Variants in AFF3 observed in about 807,000 individuals in gnomAD.
The protein encoded by AFF3 is ALF transcription elongation factor 3, also known as AF4/FMR2 family member 3.
AFF3 carries 32 observed loss-of-function variants against 129.7 expected under a neutral mutation model. That is an observed-to-expected ratio of 0.25 (90% CI 0.19 to 0.33). The LOEUF (loss-of-function observed/expected upper bound fraction) is 0.33, where lower values mean the gene tolerates loss of function less well. Among genes scored for constraint, AFF3 ranks in the 10% least tolerant of loss-of-function variants. AFF3 has a pLI of 1.00. For synonymous variants in AFF3, 644 were observed against 635.4 expected (o/e 1.01, Z -0.20); for missense variants, 1,373 against 1,592.0 (o/e 0.86, Z 2.34).
intron 24 of AFF3, among the ~76,000 whole-genome samples, chr2:99,553,051 C>T (rs1388323203): frequency 6.6e-6 from 1 of 152,196 alleles, no homozygotes; most frequent in Non-Finnish European, 1.5e-5. Context: ...ATTCTCCTGC[C>T]TCAGCCCCCT....
chr2:100,083,856 G>A (rs1689217486), intron 4 of AFF3, among the ~76,000 whole-genome samples: 2 of 152,020 alleles, frequency 1.3e-5, no homozygotes, highest in African/African-American at 4.8e-5. Flanking sequence ...AAGGGAGTAC[G>A]GAGTGAGCCA....
intron 19 of AFF3, among the ~76,000 whole-genome samples, chr2:99,567,966 C>T (rs549764332): frequency 3.9e-5 from 6 of 152,292 alleles, no homozygotes; most frequent in African/African-American, 1.4e-4. Flanking sequence ...CTGTACCTTC[C>T]GCTGCCCTCC....
intron 8 of AFF3, among the ~76,000 whole-genome samples, chr2:99,828,136 A>C (rs1688234547): frequency 6.6e-6 from 1 of 152,156 alleles, no homozygotes; most frequent in Admixed American, 6.5e-5. Flanking sequence ...GACATGCGGT[A>C]TCTCTGTGGT....
chr2:100,052,820 A>C (rs1201906846), intron 4 of AFF3, among the ~76,000 whole-genome samples: 1 of 152,198 alleles, frequency 6.6e-6, no homozygotes, highest in Non-Finnish European at 1.5e-5. Context: ...AGGGCGCTGC[A>C]CCTGCTCACA....
intron 4 of AFF3, among the ~76,000 whole-genome samples, chr2:100,016,138 ATGGTGGTGGTGGTAGAGGTGC>A (rs998144724): frequency 6.1e-5 from 8 of 130,192 alleles, no homozygotes; most frequent in Non-Finnish European, 1.0e-4. Context: ...GGTGGTGGTG[ATGGTGGTGGTGGTAGAGGTGC>A]TGGTGGTGGT....
intron 2 of AFF3, chr2:100,106,999 A>G: frequency 3.0e-6 from 3 of 985,446 alleles, no homozygotes; most frequent in Non-Finnish European, 3.6e-6. Context: ...CCTTGTGTTA[A>G]TATATGAGAG....
intron 7 of AFF3, among the ~76,000 whole-genome samples, chr2:99,992,683 C>T (rs915155331): frequency 3.3e-5 from 5 of 152,202 alleles, no homozygotes; most frequent in African/African-American, 1.2e-4. Context: ...CAACTAACTA[C>T]TAAACACCTA....
At chr2:100,086,134 T>C (rs1437704602) in intron 4 of AFF3, among the ~76,000 whole-genome samples, 1 of 151,388 alleles carries the variant, frequency 6.6e-6, no homozygotes, top group Non-Finnish European at 1.5e-5. Context: ...AGTTCTGACT[T>C]TCTGTTTATA....
At chr2:99,763,363 T>C (rs1682771136) in intron 8 of AFF3, among the ~76,000 whole-genome samples, 1 of 152,114 alleles carries the variant, frequency 6.6e-6, no homozygotes, top group Admixed American at 6.6e-5. Context: ...GTTTGAAAAA[T>C]AATAAATATA....
At chr2:99,736,019 A>T (rs1197817557) in intron 10 of AFF3, among the ~76,000 whole-genome samples, 2 of 152,224 alleles carry the variant, frequency 1.3e-5, no homozygotes, top group African/African-American at 4.8e-5. Flanking sequence ...TATAATATTT[A>T]TCTTTTAAAA....
At chr2:99,568,176 A>G (rs1676152480) in intron 19 of AFF3, among the ~76,000 whole-genome samples, 1 of 152,198 alleles carries the variant, frequency 6.6e-6, no homozygotes, top group Non-Finnish European at 1.5e-5. Context: ...CTCAGTTATG[A>G]ACACTGGAGG....
chr2:100,007,098 CTG>C, intron 6 of AFF3, 48 bp downstream of exon 6: 2 of 1,597,402 alleles, frequency 1.3e-6, no homozygotes, highest in Non-Finnish European at 1.7e-6. Context: ...TTATAGTTCT[CTG>C]GGTTTTAGCA....
chr2:99,974,126 T>G (rs771101624), intron 7 of AFF3, among the ~76,000 whole-genome samples: 44 of 152,274 alleles, frequency 2.9e-4, no homozygotes, highest in Non-Finnish European at 5.4e-4. Flanking sequence ...TGCATTGTCA[T>G]GTAAAATGTA....
At chr2:99,824,553 T>C (rs1687931004) in intron 8 of AFF3, among the ~76,000 whole-genome samples, 1 of 152,220 alleles carries the variant, frequency 6.6e-6, no homozygotes, top group Non-Finnish European at 1.5e-5. Context: ...GGATATAACT[T>C]TTATAACTTT....
chr2:100,067,088 C>A (rs17023459), intron 4 of AFF3, among the ~76,000 whole-genome samples: 1 of 151,282 alleles, frequency 6.6e-6, no homozygotes, highest in Non-Finnish European at 1.5e-5. Context: ...AACTGCAATT[C>A]GTGGACTTGT....
chr2:99,561,203 A>G (rs1021703805), intron 20 of AFF3, among the ~76,000 whole-genome samples: 1 of 152,264 alleles, frequency 6.6e-6, no homozygotes, highest in Non-Finnish European at 1.5e-5. Flanking sequence ...TATCTATAAA[A>G]TAAGACTAAT....
chr2:99,554,485 A>G lies in AFF3; in HGVS notation c.3385T>C (p.Ser1129Pro). ...GAGAGGCTGCCCTGAGACCCCACGG[A>G]GCTGGCGGGAGAGGGGTTGGGAGAC... ...PMSPNPSPAS[S>P]VGSQGSLSNA... is the part of the protein sequence containing the mutation. Residue 1129 changes from serine to proline, a missense_variant, in exon 24 of 25, where the codon TCC becomes CCC. Around this residue, in one of 9 missense-constraint regions of AFF3, gnomAD observed 165 missense variants for 234.0 expected, o/e 0.71. Coordinates refer to ENST00000672756, the MANE Select transcript of AFF3 (RefSeq NM_001386135.1). 6.2e-7 allele frequency: 1 copy of G among 1,613,698 alleles called. No individual in the cohort carries two copies. The highest frequency in any genetic ancestry group is 8.5e-7 in the Non-Finnish European group (1 of 1,179,992).
intron 8 of AFF3, among the ~76,000 whole-genome samples, chr2:99,784,699 A>T (rs1684665324): frequency 6.6e-6 from 1 of 152,232 alleles, no homozygotes; most frequent in South Asian, 2.1e-4. Context: ...GAGCAATTTT[A>T]TTCTACTGAA....
chr2:99,880,049 G>A (rs555494171), intron 7 of AFF3, among the ~76,000 whole-genome samples: 10 of 152,232 alleles, frequency 6.6e-5, no homozygotes, highest in African/African-American at 2.2e-4. Flanking sequence ...GTAGAATATC[G>A]ATTTGAAGTA....
Sources: gnomAD v4.1 joint callset for allele counts (sites outside exome capture counted in the v4.1 genomes callset) on GRCh38, gnomAD v4.1.1 for gene constraint, gnomAD v4.1.1 regional missense constraint, MANE v1.5 for transcripts, NCBI Gene and HGNC (gene_info 2026-07-23, HGNC 2026-07-21) for gene names.